LPCAT1: variants seen among roughly 807,000 people sequenced by gnomAD.
The protein encoded by LPCAT1 is lysophosphatidylcholine acyltransferase 1, also known as 1-acylglycerol-3-phosphate O-acyltransferase.
Under a neutral mutation model 60.9 loss-of-function variants are expected in LPCAT1, and 23 were observed. The ratio of observed to expected loss-of-function variants is 0.38; its 90% CI spans 0.27 to 0.53. The LOEUF (loss-of-function observed/expected upper bound fraction) is 0.53, where lower values mean the gene tolerates loss of function less well. Ranked by LOEUF, LPCAT1 falls within the 20% of genes least tolerant of loss-of-function variation. LPCAT1 has a pLI of 0.82. For missense variants in LPCAT1, 622 were observed against 723.6 expected, an observed-to-expected ratio of 0.86 and a Z score of 1.61; for synonymous variants, 340 against 301.1, an observed-to-expected ratio of 1.13 and a Z score of -1.34.
intron 1 of LPCAT1, among the ~76,000 whole-genome samples, chr5:1,517,880 C>A (rs902892282): frequency 6.6e-6 from 1 of 152,160 alleles, no homozygotes; most frequent in South Asian, 2.1e-4. Context: ...ACACGGGGGA[C>A]GAGGGGACAA....
At chr5:1,473,360 G>A (rs914827670) in intron 11 of LPCAT1, among the ~76,000 whole-genome samples, 1 of 152,214 alleles carries the variant, frequency 6.6e-6, no homozygotes, top group Non-Finnish European at 1.5e-5. Flanking sequence ...CCTGTGGCTC[G>A]CCGTGGCAGC....
At chr5:1,464,684 A>C (rs1431648382) in intron 13 of LPCAT1, among the ~76,000 whole-genome samples, 1 of 146,032 alleles carries the variant, frequency 6.8e-6, no homozygotes, top group Non-Finnish European at 1.5e-5. Flanking sequence ...CACGGTAAAC[A>C]AACACATGCG....
chr5:1,513,423 C>T, intron 1 of LPCAT1, among the ~76,000 whole-genome samples: 1 of 152,194 alleles, frequency 6.6e-6, no homozygotes, highest in Non-Finnish European at 1.5e-5. Flanking sequence ...TCAGCTCCTG[C>T]AAGGCCTGGC....
rs991026454 is a variant in LPCAT1, at chr5:1,487,868, G to T, written c.667+523C>A. ...CACTGCCACACTTCCCACGTCAGGG[G>T]TGCAGACACAATACTAGACCCAGGT... On this transcript the variant is annotated intron_variant, in intron 5 of 13. Coordinates refer to ENST00000283415, the MANE Select transcript of LPCAT1 (RefSeq NM_024830.5). This position sits in a 1 kb window ranked among gnomAD's most constrained non-coding sequence, Gnocchi z 6.1. Among the ~76,000 whole-genome samples, 3 of 152,116 alleles carry T rather than the reference G, an allele frequency of 2.0e-5. No individual in the cohort carries two copies. Among genetic ancestry groups the T allele is most frequent in the African/African-American group, 7.2e-5 (3 of 41,430 alleles).
At position 1,473,257 on chromosome 5, in the gene LPCAT1, C is replaced by A. The variant is rs554536932; in HGVS notation, c.1179+700G>T. On this transcript the variant is annotated intron_variant, in intron 11 of 13. Coordinates refer to ENST00000283415, the MANE Select transcript of LPCAT1 (RefSeq NM_024830.5). ...CAGTCATGGCTGAAGGAGCCTTCTACACACACCCTGGCGTATCACCAGCTC... is the reference window on the plus strand; with the variant it reads ...CAGTCATGGCTGAAGGAGCCTTCTAAACACACCCTGGCGTATCACCAGCTC... Among the ~76,000 whole-genome samples, 18 of 152,362 alleles carry A rather than the reference C, an allele frequency of 1.2e-4. No individual in the cohort carries two copies. The South Asian group carries it at 3.7e-3, about 32-fold the overall frequency.
At position 1,523,440 on chromosome 5, in the gene LPCAT1, C is replaced by T. The variant is rs1459733581; in HGVS notation, c.135+270G>A. ...CTGGGGGGAGGAGCAGAACGCGGGG[C>T]GGGGATGGGAAGCGGGGACCCCGAG... On this transcript the variant is annotated intron_variant, in intron 1 of 13. Coordinates refer to ENST00000283415, the MANE Select transcript of LPCAT1 (RefSeq NM_024830.5). The surrounding 1 kb of genome is among the most constrained non-coding windows in gnomAD (Gnocchi z 7.1). Among the ~76,000 whole-genome samples, 2 of 149,882 alleles carry T rather than the reference C, an allele frequency of 1.3e-5. No homozygotes were observed. Among genetic ancestry groups the T allele is most frequent in the Non-Finnish European group, 3.0e-5 (2 of 67,414 alleles).
chr5:1,471,947 GTGAGGAGC>G (rs1734688021), intron 11 of LPCAT1, among the ~76,000 whole-genome samples: 20 of 56,328 alleles, frequency 3.6e-4, no homozygotes, highest in East Asian at 1.3e-3. Flanking sequence ...AGAGCAGGAG[GTGAGGAGC>G]ACCCAGGACA....
chr5:1,485,431 G>A (rs942762086), intron 5 of LPCAT1, among the ~76,000 whole-genome samples: 7 of 152,214 alleles, frequency 4.6e-5, no homozygotes, highest in Non-Finnish European at 8.8e-5. Context: ...TCAGAGCCCA[G>A]GGCTTCTGAA....
intron 2 of LPCAT1, among the ~76,000 whole-genome samples, chr5:1,500,658 A>C (rs1241742585): frequency 6.6e-6 from 1 of 152,196 alleles, no homozygotes; most frequent in Non-Finnish European, 1.5e-5. Context: ...GGCCCTGGGG[A>C]GCAGGCCCAC....
Position 1,479,433 on chromosome 5 carries a change from G to A in LPCAT1, c.816+188C>T, listed in dbSNP as rs183492550. 1,909 of 604,244 alleles carry A rather than the reference G, an allele frequency of 3.2e-3. 33 individuals are homozygous for A. Among genetic ancestry groups the A allele is most frequent in the South Asian group, 0.026 (1,305 of 50,724 alleles). The allele number at this position is 604,244 out of a possible 1,614,324, so 37.4% of individuals were successfully genotyped here. A position where few individuals can be genotyped will look rare whatever the true frequency, so the allele number is the denominator to read the frequency against. On this transcript the variant is annotated intron_variant, in intron 8 of 13. Coordinates refer to ENST00000283415, the MANE Select transcript of LPCAT1 (RefSeq NM_024830.5). Reference sequence around the variant, plus strand: ...TTATCCAAGTGGTTCAGACTCATAAGAGAGACATAAAGTCATTGAGGTAAA... The same window carrying A: ...TTATCCAAGTGGTTCAGACTCATAAAAGAGACATAAAGTCATTGAGGTAAA...
At chr5:1,464,290 G>A (rs1394093630) in intron 13 of LPCAT1, among the ~76,000 whole-genome samples, 1 of 152,166 alleles carries the variant, frequency 6.6e-6, no homozygotes, top group African/African-American at 2.4e-5. Flanking sequence ...GCACTTCCTG[G>A]CCGCTGTGCC....
Position 1,483,576 on chromosome 5 carries a change from GA to G in LPCAT1, c.668-91del, listed in dbSNP as rs1735247613. 7.3e-7 allele frequency: 1 copy of G among 1,373,770 alleles called. No individual in the cohort carries two copies. The highest frequency in any genetic ancestry group is 2.3e-5 in the East Asian group (1 of 43,576). The allele number at this position is 1,373,770 out of a possible 1,614,324, so 85.1% of individuals were successfully genotyped here. On this transcript the variant is annotated intron_variant, in intron 5 of 13. Transcript: ENST00000283415. The surrounding 1 kb of genome is among the most constrained non-coding windows in gnomAD (Gnocchi z 9.2). ...CTCATGCTGCCCTTGGGATAAAAGTGAGCTTTTCTGTCTAGGCCTTCCTGGT... is the reference window on the plus strand; with the variant it reads ...CTCATGCTGCCCTTGGGATAAAAGTGGCTTTTCTGTCTAGGCCTTCCTGGT...
chr5:1,519,476 G>A (rs766707851), intron 1 of LPCAT1, among the ~76,000 whole-genome samples: 62 of 152,238 alleles, frequency 4.1e-4, no homozygotes, highest in Non-Finnish European at 1.6e-4. Flanking sequence ...TCACGAGTGC[G>A]TCATTCGGAA....
chr5:1,497,742 C>T (rs139233016), intron 2 of LPCAT1, among the ~76,000 whole-genome samples: 1 of 152,318 alleles, frequency 6.6e-6, no homozygotes, highest in Admixed American at 6.5e-5. Context: ...AGTTCAAGCT[C>T]CAACCTCCAG....
intron 1 of LPCAT1, among the ~76,000 whole-genome samples, chr5:1,504,786 C>T (rs1221664620): frequency 6.7e-6 from 1 of 150,256 alleles, no homozygotes; most frequent in African/African-American, 2.5e-5. Flanking sequence ...GTTCTTAGAA[C>T]TTGTTGCCTC....
chr5:1,522,095 C>T lies in LPCAT1; in HGVS notation c.135+1615G>A, dbSNP rs1330662297. ...GGAAGAGAGAGCATGCCTGAGGCAG[C>T]CATAGCTGGGGCAGGAGCAGGGCTG... On this transcript the variant is annotated intron_variant, in intron 1 of 13. Coordinates refer to ENST00000283415, the MANE Select transcript of LPCAT1 (RefSeq NM_024830.5). This position sits in a 1 kb window ranked among gnomAD's most constrained non-coding sequence, Gnocchi z 6.8. 5.9e-5 allele frequency among the ~76,000 whole-genome samples: 9 copies of T among 152,156 alleles called. No individual in the cohort carries two copies. The highest frequency in any genetic ancestry group is 5.9e-4 in the Admixed American group (9 of 15,276).
chr5:1,471,965 AG>A (rs1210661462), intron 11 of LPCAT1, among the ~76,000 whole-genome samples: 1 of 135,302 alleles, frequency 7.4e-6, no homozygotes, highest in East Asian at 2.3e-4. Flanking sequence ...CACCCAGGAC[AG>A]GGGGAGGACT....
chr5:1,495,182 G>A lies in LPCAT1; in HGVS notation c.279-268C>T, dbSNP rs1735741867. On this transcript the variant is annotated intron_variant, in intron 2 of 13. Coordinates refer to ENST00000283415, the MANE Select transcript of LPCAT1 (RefSeq NM_024830.5). This position sits in a 1 kb window ranked among gnomAD's most constrained non-coding sequence, Gnocchi z 4.7. ...GGTCACGGGCCACGCGGCAGGCAGT[G>A]CTAAGACAACATGAGACTCCGGAAC... 2.0e-5 allele frequency among the ~76,000 whole-genome samples: 3 copies of A among 152,234 alleles called. No homozygotes were observed.
At chr5:1,491,966 C>T (rs1320301851) in intron 3 of LPCAT1, among the ~76,000 whole-genome samples, 1 of 151,830 alleles carries the variant, frequency 6.6e-6, no homozygotes, top group African/African-American at 2.4e-5. Context: ...AAGCTGGGAC[C>T]GGGGAGATGT....
Sources: gnomAD v4.1 joint callset for allele counts (sites outside exome capture counted in the v4.1 genomes callset) on GRCh38, gnomAD v4.1.1 for gene constraint, Gnocchi (gnomAD v3.1) non-coding constraint, MANE v1.5 for transcripts, NCBI Gene and HGNC (gene_info 2026-07-23, HGNC 2026-07-21) for gene names.